Variants in EIF4G3 observed in about 807,000 individuals in gnomAD.
EIF4G3 encodes the protein eIF-4-gamma 3.
In EIF4G3, 34 loss-of-function variants were observed where a neutral mutation model predicts 186.4. That is an observed-to-expected ratio of 0.18 (90% CI 0.14 to 0.24). The LOEUF (loss-of-function observed/expected upper bound fraction) is 0.24, where lower values mean the gene tolerates loss of function less well. EIF4G3 is among the 10% of genes least tolerant of loss of function. EIF4G3 has a pLI of 1.00. For missense variants in EIF4G3, 1,536 were observed against 1,948.5 expected, an observed-to-expected ratio of 0.79 and a Z score of 3.99; for synonymous variants, 673 against 679.5, an observed-to-expected ratio of 0.99 and a Z score of 0.15.
At chr1:21,041,089 T>A (rs566150100) in intron 4 of EIF4G3, among the ~76,000 whole-genome samples, 58 of 152,300 alleles carry the variant, frequency 3.8e-4, no homozygotes, top group African/African-American at 1.4e-3. Context: ...TAAACTCCTT[T>A]AAATTTAATT....
At chr1:21,091,281 T>G (rs2096187738) in intron 2 of EIF4G3, among the ~76,000 whole-genome samples, 1 of 152,090 alleles carries the variant, frequency 6.6e-6, no homozygotes, top group African/African-American at 2.4e-5. Context: ...TGACTCAGCC[T>G]CCCAAGCAGC....
Position 20,807,484 on chromosome 1 carries a change from A to T in EIF4G3, c.4761T>A (p.Phe1587Leu). 3 of 1,590,482 alleles carry T rather than the reference A, an allele frequency of 1.9e-6. No individual in the cohort carries two copies. The highest frequency in any genetic ancestry group is 2.6e-6 in the Non-Finnish European group (3 of 1,164,268). The change falls in exon 37 of 37, where the codon TTT (phenylalanine) becomes TTA (leucine). Residue 1587 changes from phenylalanine to leucine, a missense_variant. Transcript: ENST00000602326. The stretch of plus-strand genomic sequence containing the variant: ...CCTCCTCGTCATATAGACAATCAAA[A>T]AACATCCGCAGCAAATCTGCAAGGA... ...LDQPANLLRM[F>L]FDCLYDEEVI...
chr1:21,164,043 G>A (rs2097811208), intron 2 of EIF4G3, among the ~76,000 whole-genome samples: 1 of 152,046 alleles, frequency 6.6e-6, no homozygotes, highest in South Asian at 2.1e-4. Context: ...CGAAGTGCTG[G>A]GATTACAAGT....
chr1:21,139,370 G>A (rs2097300839), intron 2 of EIF4G3, among the ~76,000 whole-genome samples: 1 of 151,988 alleles, frequency 6.6e-6, no homozygotes, highest in South Asian at 2.1e-4. Flanking sequence ...CAGGAGAATC[G>A]CTTGAGGCCA....
intron 12 of EIF4G3, among the ~76,000 whole-genome samples, chr1:20,962,288 T>G (rs2096585931): frequency 6.6e-6 from 1 of 152,092 alleles, no homozygotes; most frequent in Non-Finnish European, 1.5e-5. Context: ...TAAAACATAT[T>G]TTTTTCTCAG....
At chr1:21,106,082 T>G (rs1371654313) in intron 2 of EIF4G3, among the ~76,000 whole-genome samples, 1 of 151,468 alleles carries the variant, frequency 6.6e-6, no homozygotes, top group East Asian at 1.9e-4. Flanking sequence ...TTTTTTTTTT[T>G]TGTTAAAGGA....
intron 3 of EIF4G3, among the ~76,000 whole-genome samples, chr1:21,077,363 T>C (rs1314714337): frequency 6.7e-6 from 1 of 149,058 alleles, no homozygotes; most frequent in Non-Finnish European, 1.5e-5. Flanking sequence ...ATTGCACCAC[T>C]GTCCTCCAGC....
intron 2 of EIF4G3, among the ~76,000 whole-genome samples, chr1:21,165,048 C>A (rs770828894): frequency 6.6e-6 from 1 of 152,114 alleles, no homozygotes; most frequent in Non-Finnish European, 1.5e-5. Context: ...GCCAAATGCA[C>A]ACAAACATGG....
chr1:21,115,409 T>C (rs974184083), intron 2 of EIF4G3, among the ~76,000 whole-genome samples: 5 of 152,110 alleles, frequency 3.3e-5, no homozygotes, highest in African/African-American at 9.7e-5. Context: ...ACAATTACAA[T>C]AGTAAGATCA....
At chr1:20,903,721 G>A (rs1056967422) in intron 15 of EIF4G3, among the ~76,000 whole-genome samples, 5 of 152,176 alleles carry the variant, frequency 3.3e-5, no homozygotes, top group Non-Finnish European at 5.9e-5. Context: ...TGAAGGCACA[G>A]GGGAGGTAAC....
chr1:20,890,171 T>C (rs7515590), intron 18 of EIF4G3, among the ~76,000 whole-genome samples: 89,553 of 151,800 alleles, frequency 0.59, 26,743 homozygotes, highest in East Asian at 0.83. Context: ...CACGGTTTTG[T>C]CATGTTGGCC....
intron 7 of EIF4G3, among the ~76,000 whole-genome samples, chr1:20,997,336 A>G (rs916176779): frequency 2.0e-5 from 3 of 148,732 alleles, no homozygotes; most frequent in African/African-American, 4.9e-5. Flanking sequence ...TCAAAATTGT[A>G]AAATTTAAAA....
intron 4 of EIF4G3, among the ~76,000 whole-genome samples, chr1:21,020,923 A>C (rs755625459): frequency 6.6e-6 from 1 of 152,058 alleles, no homozygotes; most frequent in Non-Finnish European, 1.5e-5. Flanking sequence ...TAGATTGATC[A>C]CACATTCCCA....
intron 30 of EIF4G3, among the ~76,000 whole-genome samples, chr1:20,839,265 C>T (rs571804900): frequency 7.2e-5 from 11 of 152,216 alleles, no homozygotes; most frequent in South Asian, 2.1e-4. Context: ...GTGTGAGCTA[C>T]GGTGCCCAGC....
chr1:21,163,465 T>C (rs1288618253), intron 2 of EIF4G3, among the ~76,000 whole-genome samples: 1 of 152,174 alleles, frequency 6.6e-6, no homozygotes, highest in Non-Finnish European at 1.5e-5. Context: ...AAATTATACA[T>C]GGACTAATTA....
At chr1:20,915,963 T>C (rs976365417) in intron 14 of EIF4G3, among the ~76,000 whole-genome samples, 1 of 152,114 alleles carries the variant, frequency 6.6e-6, no homozygotes, top group Non-Finnish European at 1.5e-5. Context: ...TCCAAAGGAA[T>C]CTCTATGAAA....
chr1:21,174,917 AAAAC>A lies in EIF4G3; in HGVS notation c.-272+1254_-272+1257del, dbSNP rs1372659236. Among the ~76,000 whole-genome samples the A allele has an allele frequency of 3.3e-5, 5 of 152,348 alleles. No homozygotes were observed. In the South Asian group the frequency reaches 6.2e-4, roughly 19 times the overall value. ...GAACAGAGAAAATGACACTTGGCAG[AAAAC>A]AAACAATGACCTGAAATGACTCTAG... On this transcript the variant is annotated intron_variant, in intron 2 of 36. Coordinates refer to ENST00000602326, the MANE Select transcript of EIF4G3 (RefSeq NM_001391906.1).
In EIF4G3 at chr1:21,033,081, C is replaced by T. The variant is rs556475737; in HGVS notation, c.-67+17785G>A. ...ATTTCTGGAAAACTTTACACAGTAA[C>T]CTCACTATGTTTCTAGATGACATCA... On this transcript the variant is annotated intron_variant, in intron 4 of 36. Coordinates refer to ENST00000602326, the MANE Select transcript of EIF4G3 (RefSeq NM_001391906.1). Among the ~76,000 whole-genome samples the T allele has an allele frequency of 5.8e-4, 89 of 152,264 alleles. 2 individuals carry two copies. The highest frequency in any genetic ancestry group is 4.1e-3 in the Admixed American group (63 of 15,290).
chr1:20,872,753 C>G (rs1273954619), intron 20 of EIF4G3, among the ~76,000 whole-genome samples: 1 of 131,900 alleles, frequency 7.6e-6, no homozygotes, highest in African/African-American at 2.8e-5. Flanking sequence ...GAGCCTCACT[C>G]TGTCGGCCAG....
Sources: allele counts gnomAD v4.1 joint callset (sites outside exome capture counted in the v4.1 genomes callset), GRCh38; gene constraint gnomAD v4.1.1; transcripts MANE v1.5; gene names NCBI Gene and HGNC (gene_info 2026-07-23, HGNC 2026-07-21).